The following CLDN15 variants were observed in gnomAD, a reference collection of about 807,000 sequenced individuals.
CLDN15 encodes claudin 15.
In CLDN15, 9 loss-of-function variants were observed where a neutral mutation model predicts 24.5. The observed-to-expected ratio is 0.37, with a 90% confidence interval of 0.22 to 0.64. CLDN15 has a LOEUF of 0.64. CLDN15 is among the 30% of genes least tolerant of loss of function. The pLI, the probability that CLDN15 is intolerant of heterozygous loss-of-function variation, is 0.63. For synonymous variants in CLDN15, 149 were observed against 131.4 expected, an observed-to-expected ratio of 1.13 and a Z score of -0.92; for missense variants, 248 against 305.9, an observed-to-expected ratio of 0.81 and a Z score of 1.41.
In CLDN15 at chr7:101,237,338, C is replaced by G. The variant is rs1461019050; in HGVS notation, c.217+27G>C. 2 of 1,488,136 alleles carry G rather than the reference C, an allele frequency of 1.3e-6. No homozygotes were observed. Among genetic ancestry groups the G allele is most frequent in the Admixed American group, 3.7e-5 (2 of 54,544 alleles). The allele number at this position is 1,488,136 out of a possible 1,614,324, so 92.2% of individuals were successfully genotyped here. A position where few individuals can be genotyped will look rare whatever the true frequency, so the allele number is the denominator to read the frequency against. ...CTCTGCAGCTTCCCCGCCGCCCTCTCTCCCTGGAGCGCTCCCCACCCCATA... is the reference window on the plus strand; with the variant it reads ...CTCTGCAGCTTCCCCGCCGCCCTCTGTCCCTGGAGCGCTCCCCACCCCATA... On this transcript the variant is annotated intron_variant, in intron 1 of 4. Transcript: ENST00000308344. This position sits in a 1 kb window ranked among gnomAD's most constrained non-coding sequence, Gnocchi z 4.0.
At chr7:101,238,259 G>A (rs1046901907), upstream of CLDN15, 2 of 154,670 alleles carry the variant, frequency 1.3e-5, no homozygotes, top group Non-Finnish European at 2.9e-5. Flanking sequence ...GAGACCCACA[G>A]CTCTGGGCTC....
chr7:101,235,389 G>A (rs534022440), intron 1 of CLDN15, among the ~76,000 whole-genome samples: 1 of 152,320 alleles, frequency 6.6e-6, no homozygotes, highest in Admixed American at 6.5e-5. Context: ...TCAGCCTCCT[G>A]AGTAGCTCAG....
Position 101,232,931 on chromosome 7 carries a change from GA to G in CLDN15, c.383-18del, listed in dbSNP as rs531782266. 174 of 1,577,734 alleles carry G rather than the reference GA, an allele frequency of 1.1e-4. 1 individual carries two copies. In the African/African-American group the frequency reaches 2.1e-3, roughly 19 times the overall value. ...CGCAGATACCTGGGGACCGGAGGAC[GA>G]CCCCAGTCCAGTCCAGGGGGAGGGA... On this transcript the variant is annotated intron_variant, in intron 2 of 4. Coordinates refer to ENST00000308344, the MANE Select transcript of CLDN15 (RefSeq NM_014343.3).
chr7:101,236,654 G>C, intron 1 of CLDN15: 1 of 1,011,282 alleles, frequency 9.9e-7, no homozygotes, highest in Non-Finnish European at 1.3e-6. Context: ...GGAAGGTGCC[G>C]CAGCCACAGA....
chr7:101,235,493 C>T (rs1325274429), intron 1 of CLDN15, among the ~76,000 whole-genome samples: 2 of 152,198 alleles, frequency 1.3e-5, no homozygotes, highest in African/African-American at 4.8e-5. Context: ...CTCAGTCTTT[C>T]AGTGCCTCAG....
At chr7:101,237,860 CA>C, upstream of CLDN15, 1 of 466,546 alleles carries the variant, frequency 2.1e-6, no homozygotes, top group Non-Finnish European at 4.0e-6. The surrounding 1 kb of genome is among the most constrained non-coding windows in gnomAD (Gnocchi z 4.0). Context: ...CGAAACGGGC[CA>C]AAAGTCCACC....
At chr7:101,234,963 T>G (rs1798595460) in intron 1 of CLDN15, among the ~76,000 whole-genome samples, 1 of 152,092 alleles carries the variant, frequency 6.6e-6, no homozygotes, top group African/African-American at 2.4e-5. Flanking sequence ...GGCCGTCCTG[T>G]GTACTGTGGG....
intron 1 of CLDN15, 83 bp from the exon 2 acceptor site, chr7:101,234,525 C>A: frequency 1.0e-6 from 1 of 959,674 alleles, no homozygotes. Context: ...ATCCCAGGTT[C>A]AAGTGATTCT....
chr7:101,232,184 G>A lies in CLDN15; in HGVS notation c.*226C>T. The A allele has an allele frequency of 1.9e-6, 1 of 536,182 alleles. No homozygotes were observed. Among genetic ancestry groups the A allele is most frequent in the East Asian group, 3.1e-5 (1 of 31,838 alleles). 33.2% of individuals were successfully genotyped at this position (536,182 alleles called of 1,614,324 possible). A position where few individuals can be genotyped will look rare whatever the true frequency, so the allele number is the denominator to read the frequency against. On this transcript the variant is annotated 3_prime_UTR_variant, in exon 5 of 5. Coordinates refer to ENST00000308344, the MANE Select transcript of CLDN15 (RefSeq NM_014343.3). ...TCCCCTTCACAGCCCAGAACCCAGG[G>A]TCAGAAGATGAGGGATCCAGCCTCA...
chr7:101,236,081 T>G (rs1414321365), intron 1 of CLDN15, among the ~76,000 whole-genome samples: 1 of 152,104 alleles, frequency 6.6e-6, no homozygotes, highest in Non-Finnish European at 1.5e-5. Flanking sequence ...TCTGGCACCA[T>G]CTTTCATGCA....
intron 1 of CLDN15, chr7:101,236,760 G>A (rs964247115): frequency 1.3e-5 from 17 of 1,291,300 alleles, no homozygotes; most frequent in East Asian, 1.1e-4. Flanking sequence ...CACACACACC[G>A]CCTCCTTACA....
chr7:101,233,182 T>C (rs1798537746), intron 2 of CLDN15, among the ~76,000 whole-genome samples: 1 of 152,132 alleles, frequency 6.6e-6, no homozygotes, highest in Admixed American at 6.5e-5. Context: ...TCTTCTCTCT[T>C]TGGTCCCAGA....
At chr7:101,236,757 A>C (rs964881065) in intron 1 of CLDN15, 2 of 1,291,246 alleles carry the variant, frequency 1.5e-6, no homozygotes, top group Non-Finnish European at 2.0e-6. Context: ...CTGCACACAC[A>C]CCGCCTCCTT....
chr7:101,236,776 C>T lies in CLDN15; in HGVS notation c.217+589G>A, dbSNP rs116895240. ...ACACACACCGCCTCCTTACAGCGGACGCTCAACCTGCAACTTGCAAGACGC... is the reference window on the plus strand; with the variant it reads ...ACACACACCGCCTCCTTACAGCGGATGCTCAACCTGCAACTTGCAAGACGC... On this transcript the variant is annotated intron_variant, in intron 1 of 4. Transcript: ENST00000308344. The T allele has an allele frequency of 1.4e-4, 187 of 1,291,344 alleles. No individual in the cohort carries two copies. In the East Asian group the frequency reaches 7.7e-3, roughly 53 times the overall value. The allele number at this position is 1,291,344 out of a possible 1,614,324, so 80.0% of individuals were successfully genotyped here.
rs755334573 is a variant in CLDN15 at position 101,232,553 on chromosome 7, C to T, written c.582-38G>A. 1.4e-5 allele frequency: 23 copies of T among 1,595,200 alleles called. No homozygotes were observed. The East Asian group carries it at 2.9e-4, about 20-fold the overall frequency. ...CCCGGGGTCAGAGCGGGGGCGCGGC[C>T]CTCCTCTCTCCAATCCCGCCCGGCC... is the stretch of plus-strand genomic sequence containing the variant. On this transcript the variant is annotated intron_variant, in intron 4 of 4. Transcript: ENST00000308344.
In CLDN15 at chr7:101,237,474, C is replaced by G. The variant is rs1202036157; in HGVS notation, c.108G>C (p.Gly36=). Residue 36 remains glycine, a synonymous_variant, in exon 1 of 5, where the codon GGG becomes GGC. Coordinates refer to ENST00000308344, the MANE Select transcript of CLDN15 (RefSeq NM_014343.3). This position sits in a 1 kb window ranked among gnomAD's most constrained non-coding sequence, Gnocchi z 4.0. ...NSYWRVSTVH[G]NVITTNTIFE... Reference sequence around the variant, plus strand: ...AGATGGTGTTGGTGGTGATGACGTTCCCGTGCACAGTGGACACTCGCCAGT... The same window carrying G: ...AGATGGTGTTGGTGGTGATGACGTTGCCGTGCACAGTGGACACTCGCCAGT... 1.2e-6 allele frequency: 2 copies of G among 1,614,068 alleles called. No individual in the cohort carries two copies. The highest frequency in any genetic ancestry group is 8.5e-7 in the Non-Finnish European group (1 of 1,179,936).
chr7:101,233,357 CCACCCTACT>C (rs2116835113), intron 2 of CLDN15, among the ~76,000 whole-genome samples: 1 of 152,252 alleles, frequency 6.6e-6, no homozygotes, highest in South Asian at 2.1e-4. Flanking sequence ...CGGGCTAGCA[CCACCCTACT>C]CACTGGGGGC....
chr7:101,234,137 AG>A (rs1224116912), intron 2 of CLDN15, 140 bp downstream of exon 2: 1 of 792,578 alleles, frequency 1.3e-6, no homozygotes, highest in South Asian at 1.4e-5. Flanking sequence ...CAGATGAGGC[AG>A]GGGTGAGCAG....
At chr7:101,234,514 C>T (rs1798588428) in intron 1 of CLDN15, 72 bp from the exon 2 acceptor site, 2 of 1,102,582 alleles carry the variant, frequency 1.8e-6, no homozygotes, top group Admixed American at 3.7e-5. Flanking sequence ...AGCCCCTCAC[C>T]ATCCCAGGTT....
Sources: allele counts gnomAD v4.1 joint callset (sites outside exome capture counted in the v4.1 genomes callset), GRCh38; gene constraint gnomAD v4.1.1; non-coding constraint Gnocchi (gnomAD v3.1); transcripts MANE v1.5; gene names NCBI Gene and HGNC (gene_info 2026-07-23, HGNC 2026-07-21).